MTA3: variants seen among roughly 807,000 people sequenced by gnomAD.
The protein encoded by MTA3 is metastasis-associated protein MTA3.
Under a neutral mutation model 83.5 loss-of-function variants are expected in MTA3, and 34 were observed. The observed-to-expected ratio is 0.41, with a 90% confidence interval of 0.31 to 0.54. The LOEUF (loss-of-function observed/expected upper bound fraction) is 0.54. MTA3 is among the 20% of genes least tolerant of loss of function. The pLI, the probability that MTA3 is intolerant of heterozygous loss-of-function variation, is 0.33. For missense variants in MTA3, 761 were observed against 726.4 expected (o/e 1.05, Z -0.55); for synonymous variants, 303 against 252.7 (o/e 1.20, Z -1.89).
rs1670157615 is a variant in MTA3, at chr2:42,755,179, G to A, written c.*1780G>A. On this transcript the variant is annotated 3_prime_UTR_variant, in exon 17 of 17. Coordinates refer to ENST00000405094, the MANE Select transcript of MTA3 (RefSeq NM_001330442.2). ...TCCCTAAAGAAAAAGACACAGGAAA[G>A]CTGTCTGTCTGTACCCTGCTCTGGA... 1.0e-6 allele frequency: 1 copy of A among 985,430 alleles called. No homozygotes were observed. Among genetic ancestry groups the A allele is most frequent in the Non-Finnish European group, 1.2e-6 (1 of 830,010 alleles). The allele number at this position is 985,430 out of a possible 1,614,324, so 61.0% of individuals were successfully genotyped here. A position where few individuals can be genotyped will look rare whatever the true frequency, so the allele number is the denominator to read the frequency against.
intron 9 of MTA3, among the ~76,000 whole-genome samples, chr2:42,694,831 T>C (rs1368862702): frequency 6.6e-6 from 1 of 152,190 alleles, no homozygotes; most frequent in South Asian, 2.1e-4. Context: ...TTGAGAACTT[T>C]CCCAAGTAAG....
intron 3 of MTA3, among the ~76,000 whole-genome samples, chr2:42,599,544 T>A (rs572860064): frequency 4.0e-4 from 61 of 151,754 alleles, no homozygotes; most frequent in Non-Finnish European, 7.5e-4. Flanking sequence ...GAGCCGAGAT[T>A]GCGCCACTGC....
At chr2:42,741,812 T>C (rs1382546982) in intron 16 of MTA3, among the ~76,000 whole-genome samples, 1 of 152,120 alleles carries the variant, frequency 6.6e-6, no homozygotes, top group African/African-American at 2.4e-5. Context: ...CAGATCAACA[T>C]AACAGATATA....
intron 2 of MTA3, among the ~76,000 whole-genome samples, chr2:42,549,132 C>T (rs1676948488): frequency 7.3e-6 from 1 of 137,918 alleles, no homozygotes. Context: ...GAGATCGTGC[C>T]ATTGCACTCC....
Position 42,755,029 on chromosome 2 carries a change from G to A in MTA3, c.*1630G>A, listed in dbSNP as rs13418277. On this transcript the variant is annotated 3_prime_UTR_variant, in exon 17 of 17. Coordinates refer to ENST00000405094, the MANE Select transcript of MTA3 (RefSeq NM_001330442.2). ...CTTGGCTTGGGGCGCTGAGGGTGGGGCCTGTGTCAGAAGCATTTGGTGAGA... is the reference window on the plus strand; with the variant it reads ...CTTGGCTTGGGGCGCTGAGGGTGGGACCTGTGTCAGAAGCATTTGGTGAGA... 295,813 of 985,158 alleles carry A rather than the reference G, an allele frequency of 0.3. 44,798 individuals carry two copies. Among genetic ancestry groups the A allele is most frequent in the Middle Eastern group, 0.44 (849 of 1,916 alleles). 61.0% of individuals were successfully genotyped at this position (985,158 alleles called of 1,614,324 possible).
At chr2:42,595,165 A>G (rs1681640858) in intron 3 of MTA3, among the ~76,000 whole-genome samples, 1 of 119,900 alleles carries the variant, frequency 8.3e-6, no homozygotes, top group African/African-American at 3.4e-5. Flanking sequence ...GCTGGAGTCC[A>G]GTGACGCGAT....
intron 4 of MTA3, among the ~76,000 whole-genome samples, chr2:42,627,668 ATCC>A (rs1224970797): frequency 6.7e-6 from 1 of 149,310 alleles, no homozygotes; most frequent in African/African-American, 2.5e-5. Flanking sequence ...AGTTCAAGTG[ATCC>A]TCCTGCCTCA....
intron 2 of MTA3, among the ~76,000 whole-genome samples, chr2:42,528,650 G>A (rs1218497855): frequency 2.6e-5 from 4 of 152,348 alleles, no homozygotes; most frequent in Admixed American, 2.6e-4. Flanking sequence ...CTGAAGAGAT[G>A]TGTGATCTTC....
At chr2:42,639,507 A>G (rs929534974) in intron 4 of MTA3, among the ~76,000 whole-genome samples, 5 of 152,142 alleles carry the variant, frequency 3.3e-5, no homozygotes, top group African/African-American at 1.2e-4. Flanking sequence ...CAGAGTCTAG[A>G]CAAGCCTTAT....
chr2:42,690,015 C>T (rs1692734764), intron 9 of MTA3, among the ~76,000 whole-genome samples: 1 of 151,806 alleles, frequency 6.6e-6, no homozygotes, highest in Admixed American at 6.6e-5. Flanking sequence ...TGTGGTAACA[C>T]ACCCTGTAGT....
At chr2:42,584,087 C>T (rs1679991230) in intron 3 of MTA3, among the ~76,000 whole-genome samples, 2 of 151,644 alleles carry the variant, frequency 1.3e-5, no homozygotes, top group Admixed American at 6.6e-5. Context: ...AGGTGATACG[C>T]CCACCTCTGC....
intron 2 of MTA3, among the ~76,000 whole-genome samples, chr2:42,541,219 T>TG (rs748784283): frequency 4.8e-4 from 73 of 152,196 alleles, no homozygotes; most frequent in Non-Finnish European, 6.3e-4. Flanking sequence ...TTAGTAGAGA[T>TG]GGGGTTTCTC....
intron 16 of MTA3, among the ~76,000 whole-genome samples, chr2:42,734,301 T>C (rs1668454660): frequency 6.6e-6 from 1 of 152,106 alleles, no homozygotes; most frequent in Non-Finnish European, 1.5e-5. Flanking sequence ...TTGTCTCTTT[T>C]TATAGTTTTT....
intron 2 of MTA3, among the ~76,000 whole-genome samples, chr2:42,546,676 A>G (rs1378304436): frequency 1.3e-5 from 2 of 152,140 alleles, no homozygotes; most frequent in Non-Finnish European, 2.9e-5. Context: ...ACTGAAAAAA[A>G]TTACTTAGAG....
intron 2 of MTA3, among the ~76,000 whole-genome samples, chr2:42,519,971 G>A (rs1015284056): frequency 1.3e-5 from 2 of 152,136 alleles, no homozygotes; most frequent in Non-Finnish European, 2.9e-5. Context: ...GCGCATAGGA[G>A]GTGGAGGTTG....
At chr2:42,563,908 C>T (rs1677787269), upstream of MTA3, among the ~76,000 whole-genome samples, 1 of 151,904 alleles carries the variant, frequency 6.6e-6, no homozygotes, top group Non-Finnish European at 1.5e-5. Flanking sequence ...ACTGCAACCT[C>T]CGCCTCCCAG....
intron 2 of MTA3, among the ~76,000 whole-genome samples, chr2:42,539,701 C>T (rs971543787): frequency 6.6e-6 from 1 of 151,138 alleles, no homozygotes; most frequent in African/African-American, 2.4e-5. Context: ...CCCACCTCAG[C>T]CTCCTGAGTA....
intron 2 of MTA3, among the ~76,000 whole-genome samples, chr2:42,563,397 G>A (rs1460789648): frequency 1.3e-5 from 2 of 152,112 alleles, no homozygotes; most frequent in Non-Finnish European, 2.9e-5. Context: ...TCAAACTACT[G>A]ACTTCAGGTG....
At chr2:42,627,857 C>G (rs1686269626) in intron 4 of MTA3, among the ~76,000 whole-genome samples, 1 of 151,140 alleles carries the variant, frequency 6.6e-6, no homozygotes, top group African/African-American at 2.4e-5. Context: ...GGATTACAGG[C>G]ATGAGCCACC....
Sources: gnomAD v4.1 joint callset for allele counts (sites outside exome capture counted in the v4.1 genomes callset) on GRCh38, gnomAD v4.1.1 for gene constraint, MANE v1.5 for transcripts, NCBI Gene and HGNC (gene_info 2026-07-23, HGNC 2026-07-21) for gene names.